The following TENM3 variants were observed in gnomAD, a reference collection of about 807,000 sequenced individuals.
TENM3 encodes the protein teneurin-3.
In TENM3, 63 loss-of-function variants were observed where a neutral mutation model predicts 255.1. That is an observed-to-expected ratio of 0.25 (90% CI 0.20 to 0.30). The LOEUF is 0.30. Among genes scored for constraint, TENM3 ranks in the 10% least tolerant of loss-of-function variants. The pLI, the probability that TENM3 is intolerant of heterozygous loss-of-function variation, is 1.00. For synonymous variants in TENM3, 1,306 were observed against 1,322.3 expected (o/e 0.99, Z 0.27); for missense variants, 2,929 against 3,461.1 (o/e 0.85, Z 3.86).
chr4:181,893,491 A>G, the TENM3 span, among the ~76,000 whole-genome samples: 2 of 24,908 alleles, frequency 8.0e-5, no homozygotes, highest in Non-Finnish European at 1.5e-4. Context: ...TCCCCTGCCC[A>G]CCCCCCCCCC....
At chr4:182,522,877 GT>G (rs1465185042) in intron 3 of TENM3, among the ~76,000 whole-genome samples, 1 of 152,152 alleles carries the variant, frequency 6.6e-6, no homozygotes, top group Non-Finnish European at 1.5e-5. Flanking sequence ...CCTTCCTACT[GT>G]TTTCCATAAC....
At chr4:181,857,641 C>G in the TENM3 span, among the ~76,000 whole-genome samples, 2 of 149,852 alleles carry the variant, frequency 1.3e-5, no homozygotes, top group Non-Finnish European at 2.9e-5. Flanking sequence ...ACCTGTAGTC[C>G]CAGCTACTGG....
chr4:182,084,310 AGCAAAGGG>A, the TENM3 span, among the ~76,000 whole-genome samples: 1 of 152,172 alleles, frequency 6.6e-6, no homozygotes, highest in Non-Finnish European at 1.5e-5. Flanking sequence ...ACTGTACCAA[AGCAAAGGG>A]CATTACTTGA....
At chr4:181,815,529 G>C in the TENM3 span, among the ~76,000 whole-genome samples, 1 of 150,772 alleles carries the variant, frequency 6.6e-6, no homozygotes, top group African/African-American at 2.4e-5. Flanking sequence ...TGGTCTAATA[G>C]GTCCCCCGAA....
intron 1 of TENM3, among the ~76,000 whole-genome samples, chr4:182,204,700 T>G (rs923206835): frequency 2.6e-5 from 4 of 152,192 alleles, no homozygotes; most frequent in Admixed American, 6.5e-5. Flanking sequence ...TCTTGCAGAT[T>G]CCTGATAGCC....
chr4:182,038,205 A>G, the TENM3 span, among the ~76,000 whole-genome samples: 19 of 152,126 alleles, frequency 1.2e-4, no homozygotes, highest in South Asian at 3.3e-3. Context: ...CCAATTTCAA[A>G]CATCCATTGG....
the TENM3 span, among the ~76,000 whole-genome samples, chr4:181,689,461 G>A: frequency 1.6e-3 from 244 of 152,258 alleles, 2 homozygotes; most frequent in African/African-American, 5.6e-3. Flanking sequence ...AGGAAGTAAA[G>A]GAAAGGGGAA....
the TENM3 span, among the ~76,000 whole-genome samples, chr4:181,652,137 T>C: frequency 8.0e-6 from 1 of 124,724 alleles, no homozygotes; most frequent in African/African-American, 3.0e-5. Flanking sequence ...CAAAGCACTT[T>C]GGGGTAAAAA....
At chr4:182,265,429 C>A (rs1759185477) in intron 1 of TENM3, among the ~76,000 whole-genome samples, 1 of 152,088 alleles carries the variant, frequency 6.6e-6, no homozygotes, top group East Asian at 1.9e-4. Flanking sequence ...TGGCTTTGGG[C>A]TGCCTTGCAA....
the TENM3 span, among the ~76,000 whole-genome samples, chr4:182,123,448 C>T: frequency 6.6e-6 from 1 of 152,176 alleles, no homozygotes; most frequent in East Asian, 1.9e-4. Context: ...TTCACTTGAA[C>T]ACTTAGAGAC....
intron 3 of TENM3, among the ~76,000 whole-genome samples, chr4:182,361,401 T>C (rs531635813): frequency 1.9e-4 from 29 of 152,380 alleles, no homozygotes; most frequent in Admixed American, 1.2e-3. Flanking sequence ...CCATATTTCT[T>C]GGAGGCTTTG....
At chr4:181,523,927 A>G in the TENM3 span, among the ~76,000 whole-genome samples, 1 of 152,198 alleles carries the variant, frequency 6.6e-6, no homozygotes. Flanking sequence ...ACAAAAAGGG[A>G]AAAGGAAACA....
At chr4:182,279,522 G>A (rs1411785614) in intron 1 of TENM3, among the ~76,000 whole-genome samples, 1 of 152,166 alleles carries the variant, frequency 6.6e-6, no homozygotes, top group African/African-American at 2.4e-5. Flanking sequence ...CATCGTTGAA[G>A]TCTGGCCTCA....
intron 22 of TENM3, among the ~76,000 whole-genome samples, 195 bp from the exon 23 acceptor site, chr4:182,773,277 C>T (rs921619070): frequency 4.6e-5 from 7 of 152,156 alleles, no homozygotes; most frequent in Non-Finnish European, 8.8e-5. Context: ...GTGTTCTCAC[C>T]GGTGAGGTTT....
In TENM3 at chr4:182,604,823, T is replaced by C. The variant is rs180981683; in HGVS notation, c.749+3662T>C. Among the ~76,000 whole-genome samples, 32 of 152,346 alleles carry C rather than the reference T, an allele frequency of 2.1e-4. 1 individual carries two copies. In the East Asian group the frequency reaches 5.6e-3, roughly 27 times the overall value. ...TTCCCATAGCTTTTTACCTTCTAGT[T>C]CAGTAATGCTTTGCTAATTATTAAT... On this transcript the variant is annotated intron_variant, in intron 4 of 27. Coordinates refer to ENST00000511685, the MANE Select transcript of TENM3 (RefSeq NM_001080477.4).
At chr4:181,857,329 C>T in the TENM3 span, among the ~76,000 whole-genome samples, 11 of 132,200 alleles carry the variant, frequency 8.3e-5, no homozygotes, top group Non-Finnish European at 1.4e-4. Context: ...GAGGGAAGGC[C>T]AGGGTGGCTG....
At chr4:182,313,766 G>C (rs1762585365) in intron 1 of TENM3, among the ~76,000 whole-genome samples, 2 of 152,062 alleles carry the variant, frequency 1.3e-5, no homozygotes, top group Admixed American at 1.3e-4. Flanking sequence ...TCACTCAGCT[G>C]CTCAAGCCAG....
At chr4:182,412,491 T>A (rs1770055495) in intron 3 of TENM3, among the ~76,000 whole-genome samples, 2 of 152,140 alleles carry the variant, frequency 1.3e-5, no homozygotes, top group Admixed American at 6.5e-5. Context: ...TCACTGCATA[T>A]GAAATGAAAA....
intron 3 of TENM3, among the ~76,000 whole-genome samples, chr4:182,585,972 G>A (rs1351693108): frequency 6.6e-6 from 1 of 152,178 alleles, no homozygotes; most frequent in East Asian, 1.9e-4. Flanking sequence ...AGGCACAACC[G>A]GCTGGGCACA....
Sources: gnomAD v4.1 joint callset for allele counts (sites outside exome capture counted in the v4.1 genomes callset) on GRCh38, gnomAD v4.1.1 for gene constraint, MANE v1.5 for transcripts, NCBI Gene and HGNC (gene_info 2026-07-23, HGNC 2026-07-21) for gene names.